PCNT: variants seen among roughly 807,000 people sequenced by gnomAD.
The protein encoded by PCNT is pericentrin.
PCNT carries 319 observed loss-of-function variants against 380.4 expected under a neutral mutation model. The observed-to-expected ratio is 0.84, with a 90% CI of 0.77 to 0.92. The LOEUF is 0.92. PCNT is among the 40% of genes least tolerant of loss of function. The pLI, the probability that PCNT is intolerant of heterozygous loss-of-function variation, is 0.00. For missense variants in PCNT, 4,400 were observed against 4,255.3 expected (o/e 1.03, Z -0.95); for synonymous variants, 1,845 against 1,735.2 (o/e 1.06, Z -1.57).
intron 23 of PCNT, 29 bp downstream of exon 23, chr21:46,398,159 G>T: frequency 6.2e-7 from 1 of 1,605,030 alleles, no homozygotes; most frequent in Non-Finnish European, 8.5e-7. Flanking sequence ...CAGTGCTGCT[G>T]GTTGCTGTCT....
rs1258886412 is a variant in PCNT at position 46,357,117 on chromosome 21, C to T, written c.2080C>T (p.Leu694Phe). The T allele has an allele frequency of 1.2e-6, 2 of 1,613,776 alleles. No homozygotes were observed. The highest frequency in any genetic ancestry group is 1.7e-5 in the Admixed American group (1 of 60,012). ...GACTGAGCTCAAAGAAGAAATTGAA[C>T]TCCTAAAAATAGAAAATAGAAATTT... ...LQTELKEEIE[L>F]LKIENRNLYG... is the part of the protein sequence containing the mutation. Residue 694 changes from leucine to phenylalanine, a missense_variant, in exon 13 of 47, where the codon CTC becomes TTC. By Grantham distance (22) the Leu-to-Phe change is conservative (BLOSUM62 0). Coordinates refer to ENST00000359568, the MANE Select transcript of PCNT (RefSeq NM_006031.6).
chr21:46,390,583 G>A, intron 19 of PCNT, 87 bp from the exon 20 acceptor site: 1 of 1,436,778 alleles, frequency 7.0e-7, no homozygotes, highest in Non-Finnish European at 9.8e-7. Context: ...TGAAGGGTCT[G>A]GGGGTAGAAG....
At chr21:46,389,082 A>G in intron 18 of PCNT, 117 bp from the exon 19 acceptor site, 1 of 1,279,408 alleles carries the variant, frequency 7.8e-7, no homozygotes, top group Non-Finnish European at 1.1e-6. Flanking sequence ...CGTGGCGCTG[A>G]CTCATCTCGG....
intron 15 of PCNT, among the ~76,000 whole-genome samples, chr21:46,368,132 G>A (rs2084991607): frequency 6.6e-6 from 1 of 152,158 alleles, no homozygotes; most frequent in South Asian, 2.1e-4. Flanking sequence ...ACTCCAGCCT[G>A]GGCTGTAACA....
At chr21:46,435,643 CGCCATTCTCCTGCCTCAT>C (rs1402102253) in intron 38 of PCNT, among the ~76,000 whole-genome samples, 1 of 150,832 alleles carries the variant, frequency 6.6e-6, no homozygotes, top group Non-Finnish European at 1.5e-5. Context: ...CCCGGGTTCA[CGCCATTCTCCTGCCTCAT>C]CCTCTCGAGT....
At chr21:46,381,595 G>T (rs2085543717) in intron 15 of PCNT, 99 bp from the exon 16 acceptor site, 3 of 1,085,470 alleles carry the variant, frequency 2.8e-6, no homozygotes, top group Admixed American at 3.4e-5. Flanking sequence ...CAGAGTGGGG[G>T]CTCCATGCAT....
In PCNT at chr21:46,375,452, G is replaced by A. The variant is rs1601882461; in HGVS notation, c.3166-6242G>A. ...ACATATGTGATATTTTTCTATAATT[G>A]TGTGGATTTTAGAAAAACCTGAAAA... On this transcript the variant is annotated intron_variant, in intron 15 of 46. Coordinates refer to ENST00000359568, the MANE Select transcript of PCNT (RefSeq NM_006031.6). Among the ~76,000 whole-genome samples the A allele has an allele frequency of 1.3e-5, 2 of 152,154 alleles. 1 individual carries two copies. The highest frequency in any genetic ancestry group is 4.1e-4 in the South Asian group (2 of 4,826).
At chr21:46,442,440 T>C (rs1321274472) in intron 43 of PCNT, 57 bp from the exon 44 acceptor site, 2 of 1,111,312 alleles carry the variant, frequency 1.8e-6, no homozygotes, top group Non-Finnish European at 2.7e-6. Flanking sequence ...TTTTCATTGC[T>C]CTTTCCCTTC....
At chr21:46,334,049 A>C (rs942615544) in intron 2 of PCNT, among the ~76,000 whole-genome samples, 4 of 152,120 alleles carry the variant, frequency 2.6e-5, no homozygotes, top group East Asian at 3.9e-4. Context: ...TACTAAAAAT[A>C]CAAAAATTAG....
chr21:46,418,368 C>CAAA, intron 31 of PCNT, 62 bp downstream of exon 31: 2 of 983,792 alleles, frequency 2.0e-6, no homozygotes, highest in Non-Finnish European at 3.2e-6. Context: ...ACAGAATAGT[C>CAAA]AAAAGAATTC....
chr21:46,326,728 T>C (rs924592280), intron 2 of PCNT, 139 bp downstream of exon 2: 2 of 995,922 alleles, frequency 2.0e-6, no homozygotes, highest in Non-Finnish European at 3.0e-6. Context: ...TTATAAAAAG[T>C]GAGGGCCGGG....
At chr21:46,400,773 G>A (rs2086397399) in intron 25 of PCNT, among the ~76,000 whole-genome samples, 1 of 152,270 alleles carries the variant, frequency 6.6e-6, no homozygotes, top group East Asian at 1.9e-4. Context: ...GCCCGCCTTG[G>A]CCTCTCAAAG....
intron 24 of PCNT, among the ~76,000 whole-genome samples, chr21:46,399,382 T>C (rs112299264): frequency 6.3e-3 from 265 of 42,320 alleles, no homozygotes; most frequent in Middle Eastern, 0.017. Context: ...TCTGGGTCTC[T>C]CTGTGCAGCC....
chr21:46,340,989 T>G (rs1006377742), intron 3 of PCNT, among the ~76,000 whole-genome samples: 17 of 152,264 alleles, frequency 1.1e-4, no homozygotes, highest in African/African-American at 4.1e-4. Flanking sequence ...GTTCAAGAGA[T>G]TCTCATGCCT....
intron 19 of PCNT, 140 bp from the exon 20 acceptor site, chr21:46,390,530 G>C (rs576768912): frequency 4.7e-6 from 4 of 856,130 alleles, no homozygotes; most frequent in East Asian, 2.5e-5. Flanking sequence ...GATGTGCTCA[G>C]GTCCCGTCAC....
In PCNT at chr21:46,416,820, A is replaced by G. The variant is rs2087045122; in HGVS notation, c.6902A>G (p.His2301Arg). The G allele has an allele frequency of 6.3e-7, 1 of 1,598,318 alleles. No homozygotes were observed. The highest frequency in any genetic ancestry group is 8.5e-7 in the Non-Finnish European group (1 of 1,179,658). Reference sequence around the variant, plus strand: ...GAGTCTCCGCCGGCTGACGACCACCATGTGCAGAGGACGGCTGTGGTAGGT... The same window carrying G: ...GAGTCTCCGCCGGCTGACGACCACCGTGTGCAGAGGACGGCTGTGGTAGGT... ...WAESPPADDH[H>R]VQRTAVEKDV... The change falls in exon 30 of 47, where the codon CAT (histidine) becomes CGT (arginine). Residue 2301 changes from histidine to arginine, a missense_variant. Physicochemically the swap from His to Arg is conservative, Grantham distance 29 (BLOSUM62 0). Coordinates refer to ENST00000359568, the MANE Select transcript of PCNT (RefSeq NM_006031.6).
At chr21:46,345,819 G>A (rs968782860) in intron 3 of PCNT, among the ~76,000 whole-genome samples, 12 of 152,130 alleles carry the variant, frequency 7.9e-5, no homozygotes, top group African/African-American at 2.4e-4. Context: ...TGATGTAAAC[G>A]GAACCTCACC....
chr21:46,439,518 T>C (rs1023901258), intron 41 of PCNT, among the ~76,000 whole-genome samples: 1 of 152,176 alleles, frequency 6.6e-6, no homozygotes, highest in Non-Finnish European at 1.5e-5. Flanking sequence ...TCTTAAGTCA[T>C]CTCTAAGATC....
rs3058084 is a variant in PCNT, at chr21:46,444,647, CT to C, written c.9840-30del. ...ATGGCTCCGTCTGTCAAACTCAACTCTTTTTTTTTTTTTTTTTCTTCTCTTG... is the reference window on the plus strand; with the variant it reads ...ATGGCTCCGTCTGTCAAACTCAACTCTTTTTTTTTTTTTTTTCTTCTCTTG... On this transcript the variant is annotated intron_variant, in intron 45 of 46. Coordinates refer to ENST00000359568, the MANE Select transcript of PCNT (RefSeq NM_006031.6). 209,047 of 1,438,662 alleles carry C rather than the reference CT, an allele frequency of 0.15. 2,108 individuals are homozygous for C. Among genetic ancestry groups the C allele is most frequent in the East Asian group, 0.25 (10,074 of 40,450 alleles). 89.1% of individuals were successfully genotyped at this position (1,438,662 alleles called of 1,614,324 possible).
Sources: allele counts gnomAD v4.1 joint callset (sites outside exome capture counted in the v4.1 genomes callset), GRCh38; gene constraint gnomAD v4.1.1; transcripts MANE v1.5; gene names NCBI Gene and HGNC (gene_info 2026-07-23, HGNC 2026-07-21).